BAZ2B: variants seen among roughly 807,000 people sequenced by gnomAD.
BAZ2B encodes the protein bromodomain adjacent to zinc finger domain protein 2B.
BAZ2B carries 91 observed loss-of-function variants against 246.0 expected under a neutral mutation model. The ratio of observed to expected loss-of-function variants is 0.37; its 90% CI spans 0.31 to 0.44. The LOEUF (loss-of-function observed/expected upper bound fraction) is 0.44, where lower values mean the gene tolerates loss of function less well. BAZ2B is among the 20% of genes least tolerant of loss of function. BAZ2B has a pLI of 1.00. For missense variants in BAZ2B, 2,332 were observed against 2,533.7 expected (o/e 0.92, Z 1.71); for synonymous variants, 855 against 860.0 (o/e 0.99, Z 0.10).
rs186540929 is a variant in BAZ2B, at chr2:159,320,973, A to T, written c.6354-555T>A. On this transcript the variant is annotated intron_variant, in intron 36 of 36. Transcript: ENST00000392783. Reference sequence around the variant, plus strand: ...TGCTCTTCTGCCCAAGCAATAGAGTATGATGAACCCAAACAAGCAAAACAA... The same window carrying T: ...TGCTCTTCTGCCCAAGCAATAGAGTTTGATGAACCCAAACAAGCAAAACAA... Among the ~76,000 whole-genome samples, 377 of 152,318 alleles carry T rather than the reference A, an allele frequency of 2.5e-3. 7 individuals are homozygous for T. The highest frequency in any genetic ancestry group is 5.4e-4 in the Non-Finnish European group (37 of 68,010).
intron 2 of BAZ2B, among the ~76,000 whole-genome samples, chr2:159,508,374 C>A (rs559877990): frequency 6.6e-6 from 1 of 152,274 alleles, no homozygotes; most frequent in East Asian, 1.9e-4. Context: ...ATTTAAACTA[C>A]TTATCTAATT....
intron 1 of BAZ2B, among the ~76,000 whole-genome samples, chr2:159,567,583 G>A (rs1682944190): frequency 6.6e-6 from 1 of 152,222 alleles, no homozygotes; most frequent in Admixed American, 6.5e-5. Context: ...AAGAGGGTTT[G>A]AGAATGTTGC....
rs185082964 is a variant in BAZ2B at position 159,541,579 on chromosome 2, A to C, written c.-3+14244T>G. Among the ~76,000 whole-genome samples the C allele has an allele frequency of 3.4e-3, 520 of 152,196 alleles. 1 individual carries two copies. Among genetic ancestry groups the C allele is most frequent in the Non-Finnish European group, 4.1e-3 (282 of 68,014 alleles). ...CAGGTGTGAGCCACTGCGGCCAGCCAAAAGTCCTTGTTATTAAACAAACAG... is the reference window on the plus strand; with the variant it reads ...CAGGTGTGAGCCACTGCGGCCAGCCCAAAGTCCTTGTTATTAAACAAACAG... On this transcript the variant is annotated intron_variant, in intron 2 of 36. Transcript: ENST00000392783.
chr2:159,421,160 A>G (rs1018413237), intron 13 of BAZ2B, among the ~76,000 whole-genome samples: 7 of 148,694 alleles, frequency 4.7e-5, no homozygotes, highest in African/African-American at 1.7e-4. Context: ...CTTATACCCT[A>G]TTTCTTTCTT....
chr2:159,473,407 T>C (rs1365504860), intron 3 of BAZ2B, among the ~76,000 whole-genome samples: 2 of 152,252 alleles, frequency 1.3e-5, no homozygotes, highest in African/African-American at 4.8e-5. Flanking sequence ...GTGGGATCAG[T>C]GGTGATATCC....
At position 159,521,205 on chromosome 2, in the gene BAZ2B, G is replaced by A. The variant is rs142035714; in HGVS notation, c.-3+34618C>T. 1.4e-3 allele frequency among the ~76,000 whole-genome samples: 208 copies of A among 151,968 alleles called. No homozygotes were observed. The East Asian group carries it at 0.033, about 24-fold the overall frequency. On this transcript the variant is annotated intron_variant, in intron 2 of 36. Coordinates refer to ENST00000392783, the MANE Select transcript of BAZ2B (RefSeq NM_013450.4). Reference sequence around the variant, plus strand: ...AAGATTCATTCTGTTCATTAAAAAAGTTATAGGATAATTATCATGGTTACA... The same window carrying A: ...AAGATTCATTCTGTTCATTAAAAAAATTATAGGATAATTATCATGGTTACA...
At chr2:159,594,372 G>C (rs1690133498) in intron 1 of BAZ2B, among the ~76,000 whole-genome samples, 1 of 151,958 alleles carries the variant, frequency 6.6e-6, no homozygotes. Flanking sequence ...GCGCCACCGC[G>C]CTCCAGCCTG....
intron 6 of BAZ2B, 126 bp downstream of exon 6, chr2:159,446,656 G>T: frequency 1.3e-6 from 1 of 780,864 alleles, no homozygotes; most frequent in Non-Finnish European, 2.0e-6. Flanking sequence ...CATAAATCAC[G>T]TATCTATAAA....
the BAZ2B span, chr2:159,694,213 C>G: frequency 1.3e-5 from 2 of 152,120 alleles, no homozygotes. Flanking sequence ...GGGAAGTTAG[C>G]CATCTACAAG....
At chr2:159,377,585 C>T (rs531490886) in intron 25 of BAZ2B, among the ~76,000 whole-genome samples, 1 of 152,040 alleles carries the variant, frequency 6.6e-6, no homozygotes, top group East Asian at 1.9e-4. Flanking sequence ...GAGGCCGAGG[C>T]GGGTGGATCA....
At chr2:159,448,922 C>A (rs1223868246) in intron 4 of BAZ2B, among the ~76,000 whole-genome samples, 1 of 152,142 alleles carries the variant, frequency 6.6e-6, no homozygotes, top group East Asian at 1.9e-4. Flanking sequence ...AACTTCTATA[C>A]TTAAAGATAA....
At chr2:159,680,204 G>A in the BAZ2B span, among the ~76,000 whole-genome samples, 16 of 152,166 alleles carry the variant, frequency 1.1e-4, no homozygotes, top group African/African-American at 3.9e-4. Context: ...CTTACAAAAA[G>A]GAAAGCAAGG....
chr2:159,431,222 C>G (rs980272439), intron 9 of BAZ2B, 66 bp from the exon 10 acceptor site: 2 of 1,514,700 alleles, frequency 1.3e-6, no homozygotes, highest in African/African-American at 2.8e-5. Context: ...CAGTTTGTAT[C>G]TAAATGGACT....
At chr2:159,325,266 G>A (rs2063547231) in intron 35 of BAZ2B, among the ~76,000 whole-genome samples, 3 of 148,156 alleles carry the variant, frequency 2.0e-5, no homozygotes, top group Admixed American at 1.3e-4. Flanking sequence ...GAGTAGCTGG[G>A]ATTATGGGTG....
chr2:159,361,574 A>T (rs1425659762), intron 27 of BAZ2B, among the ~76,000 whole-genome samples: 1 of 152,078 alleles, frequency 6.6e-6, no homozygotes, highest in Non-Finnish European at 1.5e-5. Context: ...CCAGAAATAC[A>T]ATTTGACCCA....
At chr2:159,662,691 AT>A in the BAZ2B span, among the ~76,000 whole-genome samples, 828 of 145,074 alleles carry the variant, frequency 5.7e-3, 11 homozygotes, top group South Asian at 0.017. Context: ...TGCCCGGCTA[AT>A]TTTTTTTTTT....
At chr2:159,371,205 C>T (rs899494635) in intron 27 of BAZ2B, among the ~76,000 whole-genome samples, 1 of 152,084 alleles carries the variant, frequency 6.6e-6, no homozygotes, top group African/African-American at 2.4e-5. Context: ...TGCAGTGGTG[C>T]ACTCTTGGCT....
At chr2:159,608,241 G>A (rs1355329014) in intron 1 of BAZ2B, among the ~76,000 whole-genome samples, 1 of 152,202 alleles carries the variant, frequency 6.6e-6, no homozygotes, top group Admixed American at 6.5e-5. Flanking sequence ...AGGCATGGCA[G>A]CGTAAGCCTG....
the BAZ2B span, among the ~76,000 whole-genome samples, chr2:159,674,042 T>A: frequency 1.4e-5 from 2 of 142,702 alleles, no homozygotes; most frequent in African/African-American, 2.6e-5. Flanking sequence ...TTTTTTTTTT[T>A]AATTTAAAAG....
Sources: gnomAD v4.1 joint callset for allele counts (sites outside exome capture counted in the v4.1 genomes callset) on GRCh38, gnomAD v4.1.1 for gene constraint, MANE v1.5 for transcripts, NCBI Gene and HGNC (gene_info 2026-07-23, HGNC 2026-07-21) for gene names.